Variants in WASF1 observed in about 807,000 individuals in gnomAD.
WASF1 encodes WASP family member 1, also known as actin-binding protein WASF1.
WASF1 carries 7 observed loss-of-function variants against 50.5 expected under a neutral mutation model. That is an observed-to-expected ratio of 0.14 (90% CI 0.08 to 0.26). The LOEUF is 0.26. WASF1 is among the 10% of genes least tolerant of loss of function. The pLI is 1.00. For missense variants in WASF1, 470 were observed against 694.7 expected, an observed-to-expected ratio of 0.68 and a Z score of 3.64; for synonymous variants, 205 against 244.0, an observed-to-expected ratio of 0.84 and a Z score of 1.49.
chr6:110,150,981 G>C (rs906458688), intron 3 of WASF1, among the ~76,000 whole-genome samples: 1 of 152,192 alleles, frequency 6.6e-6, no homozygotes, highest in Non-Finnish European at 1.5e-5. Flanking sequence ...AGGTTGCAGT[G>C]AACTGAGATC....
At chr6:110,105,033 A>G (rs186274596) in intron 8 of WASF1, among the ~76,000 whole-genome samples, 1 of 152,296 alleles carries the variant, frequency 6.6e-6, no homozygotes. Flanking sequence ...CCCCTTCTTC[A>G]CTCCTATTTT....
chr6:110,127,774 T>C, intron 3 of WASF1, 145 bp from the exon 4 acceptor site: 1 of 673,966 alleles, frequency 1.5e-6, no homozygotes, highest in Non-Finnish European at 2.1e-6. Flanking sequence ...GTGGATTTTC[T>C]TCCCTCTCTG....
intron 4 of WASF1, among the ~76,000 whole-genome samples, chr6:110,122,353 G>A (rs531383462): frequency 6.6e-6 from 1 of 151,854 alleles, no homozygotes; most frequent in African/African-American, 2.4e-5. Flanking sequence ...ATTTTACAAC[G>A]TGAACCCTTC....
At chr6:110,106,919 G>A (rs1773348364) in intron 7 of WASF1, among the ~76,000 whole-genome samples, 158 bp downstream of exon 7, 1 of 152,182 alleles carries the variant, frequency 6.6e-6, no homozygotes. Context: ...CTCCCCATCA[G>A]ACTGTGTTCT....
At chr6:110,135,033 A>G (rs536763592) in intron 3 of WASF1, among the ~76,000 whole-genome samples, 48 of 152,278 alleles carry the variant, frequency 3.2e-4, no homozygotes, top group African/African-American at 1.1e-3. Flanking sequence ...TGTGTTTTCT[A>G]TAATTTCTTT....
At chr6:110,107,616 A>T (rs986325239) in intron 6 of WASF1, among the ~76,000 whole-genome samples, 10 of 152,204 alleles carry the variant, frequency 6.6e-5, no homozygotes, top group African/African-American at 1.9e-4. Context: ...ACTAAATCCA[A>T]AAGATATCAT....
chr6:110,161,089 A>G (rs891482955), intron 2 of WASF1, among the ~76,000 whole-genome samples: 1 of 151,596 alleles, frequency 6.6e-6, no homozygotes, highest in Non-Finnish European at 1.5e-5. Context: ...GGCTCAATAA[A>G]TCACAAAGTC....
At chr6:110,145,091 G>A (rs1775487850) in intron 3 of WASF1, among the ~76,000 whole-genome samples, 1 of 152,180 alleles carries the variant, frequency 6.6e-6, no homozygotes, top group Admixed American at 6.5e-5. Context: ...CTACCCATGA[G>A]CATGGAATGT....
In WASF1 at chr6:110,103,439, G is replaced by T. The variant is rs1461116387; in HGVS notation, c.832C>A (p.Pro278Thr). ...EERVLVRPHE[P>T]PPPPPMHGAG... ...CCATGCATTGGTGGAGGTGGAGGTGGTTCATGTGGTCTGACTAATACCCTT... is the reference window on the plus strand; with the variant it reads ...CCATGCATTGGTGGAGGTGGAGGTGTTTCATGTGGTCTGACTAATACCCTT... The change falls in exon 9 of 11, where the codon CCA becomes ACA. Residue 278 changes from proline (P) to threonine (T), a missense_variant. Coordinates refer to ENST00000392589, the MANE Select transcript of WASF1 (RefSeq NM_003931.3). The T allele has an allele frequency of 6.2e-7, 1 of 1,614,046 alleles. No individual in the cohort carries two copies. Among genetic ancestry groups the T allele is most frequent in the Non-Finnish European group, 8.5e-7 (1 of 1,179,942 alleles).
intron 3 of WASF1, among the ~76,000 whole-genome samples, chr6:110,137,680 C>G (rs1210482108): frequency 6.6e-6 from 1 of 152,214 alleles, no homozygotes; most frequent in Non-Finnish European, 1.5e-5. Flanking sequence ...GGATTAACTT[C>G]CCTCTGACCT....
chr6:110,154,470 AT>A (rs1775967509), intron 3 of WASF1, among the ~76,000 whole-genome samples: 1 of 152,090 alleles, frequency 6.6e-6, no homozygotes, highest in South Asian at 2.1e-4. Flanking sequence ...ATTGCGTATT[AT>A]AAAAAAGTAC....
rs894941267 is a variant in WASF1 at position 110,129,316 on chromosome 6, CA to C, written c.-28-1688del. ...GTGCAGCAAAAAACAAAAAAACAAA[CA>C]AAAAAAATGGTAACACTGGAAATGA... is the stretch of plus-strand genomic sequence containing the variant. On this transcript the variant is annotated intron_variant, in intron 3 of 10. Transcript: ENST00000392589. Among the ~76,000 whole-genome samples, 6 of 151,740 alleles carry C rather than the reference CA, an allele frequency of 4.0e-5. No homozygotes were observed. The East Asian group carries it at 5.8e-4, about 15-fold the overall frequency.
In WASF1 at chr6:110,145,385, T is replaced by A. The variant is rs554071501; in HGVS notation, c.-29+15250A>T. ...CTGAGACAATGGGGTTTTCTAGATA[T>A]ACAATCATGTCATCTGCAAACAGGG... On this transcript the variant is annotated intron_variant, in intron 3 of 10. Coordinates refer to ENST00000392589, the MANE Select transcript of WASF1 (RefSeq NM_003931.3). Among the ~76,000 whole-genome samples, 22 of 152,300 alleles carry A rather than the reference T, an allele frequency of 1.4e-4. No individual in the cohort carries two copies. The South Asian group carries it at 3.3e-3, about 23-fold the overall frequency.
chr6:110,143,159 TA>T (rs904960982), intron 3 of WASF1, among the ~76,000 whole-genome samples: 97 of 151,652 alleles, frequency 6.4e-4, no homozygotes, highest in Non-Finnish European at 1.2e-3. Context: ...TTTTTAATTT[TA>T]AAAAAAACCT....
At chr6:110,127,788 C>G (rs1220232248) in intron 3 of WASF1, among the ~76,000 whole-genome samples, 159 bp from the exon 4 acceptor site, 1 of 152,126 alleles carries the variant, frequency 6.6e-6, no homozygotes, top group Non-Finnish European at 1.5e-5. Context: ...CTCTCTGCCT[C>G]CCTGAGACAG....
At chr6:110,142,929 A>C (rs1182154060) in intron 3 of WASF1, among the ~76,000 whole-genome samples, 1 of 145,344 alleles carries the variant, frequency 6.9e-6, no homozygotes, top group Non-Finnish European at 1.5e-5. Context: ...TGGTTCCAAA[A>C]GTAATTTGGT....
chr6:110,101,485 A>G, intron 10 of WASF1, 103 bp downstream of exon 10: 1 of 1,448,778 alleles, frequency 6.9e-7, no homozygotes, highest in Non-Finnish European at 9.2e-7. Context: ...CACAAACATG[A>G]TCACCTAAAA....
At chr6:110,107,810 C>T (rs1381136721) in intron 6 of WASF1, among the ~76,000 whole-genome samples, 2 of 152,042 alleles carry the variant, frequency 1.3e-5, no homozygotes, top group Non-Finnish European at 2.9e-5. Context: ...TGGTAAAAAG[C>T]ATTTTATAAA....
At chr6:110,171,629 T>C in intron 2 of WASF1, among the ~76,000 whole-genome samples, 1 of 152,110 alleles carries the variant, frequency 6.6e-6, no homozygotes, top group Non-Finnish European at 1.5e-5. Flanking sequence ...GGGCAAGGAC[T>C]TCATGACTAA....
Sources: allele counts gnomAD v4.1 joint callset (sites outside exome capture counted in the v4.1 genomes callset), GRCh38; gene constraint gnomAD v4.1.1; transcripts MANE v1.5; gene names NCBI Gene and HGNC (gene_info 2026-07-23, HGNC 2026-07-21).